TEX264: variants seen among roughly 807,000 people sequenced by gnomAD.
The protein encoded by TEX264 is testis expressed 264, ER-phagy receptor, also known as testis-expressed protein 264.
A neutral mutation model predicts 23.4 loss-of-function variants in TEX264; 13 were observed. The ratio of observed to expected loss-of-function variants is 0.56; its 90% CI spans 0.36 to 0.88. The LOEUF is 0.88. Among genes scored for constraint, TEX264 ranks in the 40% least tolerant of loss-of-function variants. The probability of loss-of-function intolerance (pLI) is 0.01; values close to 1 mark genes in which losing one functional copy is unlikely to be tolerated. For synonymous variants in TEX264, 159 were observed against 170.0 expected, an observed-to-expected ratio of 0.94 and a Z score of 0.50; for missense variants, 340 against 406.8, an observed-to-expected ratio of 0.84 and a Z score of 1.41.
intron 3 of TEX264, among the ~76,000 whole-genome samples, chr3:51,696,214 C>T (rs1703052637): frequency 6.6e-6 from 1 of 152,124 alleles, no homozygotes; most frequent in African/African-American, 2.4e-5. Flanking sequence ...GGCAATGCTT[C>T]CACACACTGC....
At chr3:51,698,367 A>G (rs1703149926) in intron 3 of TEX264, among the ~76,000 whole-genome samples, 1 of 152,176 alleles carries the variant, frequency 6.6e-6, no homozygotes, top group Non-Finnish European at 1.5e-5. Context: ...GGCGAATGCT[A>G]TAAATAGTCG....
In TEX264 at chr3:51,686,627, G is replaced by C. The variant is rs939779434; in HGVS notation, c.480+1993G>C. ...GTGAGCTGGAGGGTGGTGGCCAAAA[G>C]GGGTGTGGGGCAGGATGTGCTTGCC... is the stretch of plus-strand genomic sequence containing the variant. On this transcript the variant is annotated intron_variant, in intron 3 of 4. Coordinates refer to ENST00000341333, the MANE Select transcript of TEX264 (RefSeq NM_015926.6). The surrounding 1 kb of genome is among the most constrained non-coding windows in gnomAD (Gnocchi z 4.1). 1.3e-5 allele frequency among the ~76,000 whole-genome samples: 2 copies of C among 152,104 alleles called. No individual in the cohort carries two copies. Among genetic ancestry groups the C allele is most frequent in the African/African-American group, 2.4e-5 (1 of 41,394 alleles).
At position 51,703,801 on chromosome 3, in the gene TEX264, C is replaced by G. The variant is rs765066572; in HGVS notation, c.727C>G (p.Leu243Val). 3 of 1,610,276 alleles carry G rather than the reference C, an allele frequency of 1.9e-6. No homozygotes were observed. The South Asian group carries it at 3.3e-5, about 18-fold the overall frequency. The change falls in exon 5 of 5, where the codon CTG becomes GTG. Residue 243 changes from leucine to valine, a missense_variant. Physicochemically the swap from Leu to Val is conservative, Grantham distance 32. Coordinates refer to ENST00000341333, the MANE Select transcript of TEX264 (RefSeq NM_015926.6). This position sits in a 1 kb window ranked among gnomAD's most constrained non-coding sequence, Gnocchi z 4.8. ...CAGCCGGGAGACTTCAGCTGCCACA[C>G]TGTCACCTGGGGCGAGCAGCCGTGG... Reference protein sequence around the residue: ...PGSRETSAATLSPGASSRGWD... With the variant: ...PGSRETSAATVSPGASSRGWD...
At chr3:51,678,563 G>A (rs1702312265) in intron 2 of TEX264, among the ~76,000 whole-genome samples, 1 of 152,238 alleles carries the variant, frequency 6.6e-6, no homozygotes, top group Non-Finnish European at 1.5e-5. Flanking sequence ...CCTAGGAGGT[G>A]GTGTTTGCTC....
In TEX264 at chr3:51,704,044, A is replaced by G; in HGVS notation, c.*28A>G. 6.9e-7 allele frequency: 1 copy of G among 1,447,516 alleles called. No individual in the cohort carries two copies. The allele number at this position is 1,447,516 out of a possible 1,614,324, so 89.7% of individuals were successfully genotyped here. A position where few individuals can be genotyped will look rare whatever the true frequency, so the allele number is the denominator to read the frequency against. ...CATGGCCTGCACCCTCCTGCAGTGC[A>G]GTTGCTGAGGAACTGAGCAGACTCT... On this transcript the variant is annotated 3_prime_UTR_variant, in exon 5 of 5. Coordinates refer to ENST00000341333, the MANE Select transcript of TEX264 (RefSeq NM_015926.6).
At chr3:51,699,603 C>T (rs1472913157) in intron 4 of TEX264, 29 bp downstream of exon 4, 2 of 1,609,324 alleles carry the variant, frequency 1.2e-6, no homozygotes, top group South Asian at 2.2e-5. Flanking sequence ...GAGGATGGGG[C>T]CCTCCTGGAG....
intron 2 of TEX264, among the ~76,000 whole-genome samples, chr3:51,676,983 C>T (rs1049225927): frequency 6.6e-6 from 1 of 152,178 alleles, no homozygotes; most frequent in Non-Finnish European, 1.5e-5. Flanking sequence ...GGCTCAGGGA[C>T]ACTTGGGTCC....
intron 3 of TEX264, among the ~76,000 whole-genome samples, chr3:51,692,398 A>G (rs1702860704): frequency 6.6e-6 from 1 of 152,110 alleles, no homozygotes; most frequent in Non-Finnish European, 1.5e-5. Flanking sequence ...CTAGCTGTCT[A>G]GTTATGCAGG....
chr3:51,699,698 C>A, intron 4 of TEX264, 124 bp downstream of exon 4: 2 of 1,184,752 alleles, frequency 1.7e-6, no homozygotes, highest in East Asian at 2.4e-5. Flanking sequence ...CTATGCTTGG[C>A]AGAGGGAGGA....
intron 3 of TEX264, 30 bp downstream of exon 3, chr3:51,684,664 G>A: frequency 3.7e-6 from 6 of 1,608,744 alleles, no homozygotes; most frequent in Non-Finnish European, 5.1e-6. Context: ...TGTGTGTGTT[G>A]GGGACAGCCA....
At chr3:51,697,225 CGAG>C (rs1436724768) in intron 3 of TEX264, among the ~76,000 whole-genome samples, 3 of 152,212 alleles carry the variant, frequency 2.0e-5, no homozygotes, top group Non-Finnish European at 2.9e-5. Context: ...CGCCTGCCAA[CGAG>C]GGGGCTGGCA....
At chr3:51,680,319 G>A (rs1702381593) in intron 2 of TEX264, among the ~76,000 whole-genome samples, 1 of 152,212 alleles carries the variant, frequency 6.6e-6, no homozygotes. Flanking sequence ...GACTCAGCGA[G>A]GTCTTGGCTT....
intron 3 of TEX264, among the ~76,000 whole-genome samples, chr3:51,689,618 C>T (rs148837878): frequency 7.4e-4 from 113 of 152,186 alleles, no homozygotes; most frequent in Admixed American, 2.5e-3. Context: ...AGTAGTTCTG[C>T]CTGTGAGTTT....
intron 1 of TEX264, among the ~76,000 whole-genome samples, chr3:51,672,721 C>T (rs2106887403): frequency 6.6e-6 from 1 of 152,330 alleles, no homozygotes; most frequent in East Asian, 1.9e-4. Context: ...CTGTTTAATA[C>T]CTGTGTTACC....
chr3:51,700,051 G>A (rs1469491003), intron 4 of TEX264, among the ~76,000 whole-genome samples: 1 of 152,112 alleles, frequency 6.6e-6, no homozygotes, highest in Admixed American at 6.5e-5. Flanking sequence ...CCCTGCCAGG[G>A]AACAACCAGG....
chr3:51,701,307 C>T (rs1202413093), intron 4 of TEX264, among the ~76,000 whole-genome samples: 8 of 148,960 alleles, frequency 5.4e-5, no homozygotes, highest in Non-Finnish European at 5.9e-5. Context: ...GATGCTACTT[C>T]CCCGTATTGC....
chr3:51,699,582 A>C lies in TEX264; in HGVS notation c.649+8A>C. On this transcript the variant is annotated splice_region_variant and intron_variant, in intron 4 of 4. Transcript: ENST00000341333. ...CCCAGGTGGATGGCACAGGTACAGA[A>C]GGTGGGGTATGAGGATGGGGCCCTC... The C allele has an allele frequency of 6.2e-7, 1 of 1,613,472 alleles. No homozygotes were observed. The highest frequency in any genetic ancestry group is 8.5e-7 in the Non-Finnish European group (1 of 1,179,532).
At chr3:51,682,437 T>C (rs1483670841) in intron 2 of TEX264, 1 of 152,298 alleles carries the variant, frequency 6.6e-6, no homozygotes, top group Non-Finnish European at 1.5e-5. Flanking sequence ...TGAGCCACGC[T>C]GAAAGGCTCT....
chr3:51,697,840 C>T (rs745879199), intron 3 of TEX264, among the ~76,000 whole-genome samples: 3 of 152,170 alleles, frequency 2.0e-5, no homozygotes, highest in Non-Finnish European at 4.4e-5. Context: ...AGAAATGGGA[C>T]GTGTCAGGGG....
Sources: gnomAD v4.1 joint callset for allele counts (sites outside exome capture counted in the v4.1 genomes callset) on GRCh38, gnomAD v4.1.1 for gene constraint, Gnocchi (gnomAD v3.1) non-coding constraint, MANE v1.5 for transcripts, NCBI Gene and HGNC (gene_info 2026-07-23, HGNC 2026-07-21) for gene names.